RBM17: variants seen among roughly 807,000 people sequenced by gnomAD.
The protein encoded by RBM17 is RNA binding motif protein 17.
In RBM17, 7 loss-of-function variants were observed where a neutral mutation model predicts 53.2. The observed-to-expected ratio is 0.13, with a 90% CI of 0.07 to 0.25. The LOEUF (loss-of-function observed/expected upper bound fraction) is 0.25. Among genes scored for constraint, RBM17 ranks in the 10% least tolerant of loss-of-function variants. The pLI is 1.00. For synonymous variants in RBM17, 167 were observed against 178.1 expected (o/e 0.94, Z 0.50); for missense variants, 257 against 496.7 (o/e 0.52, Z 4.59).
Position 6,114,243 on chromosome 10 carries a change from A to G in RBM17, c.1029+96A>G, listed in dbSNP as rs41290343. On this transcript the variant is annotated intron_variant, in intron 10 of 11. Transcript: ENST00000379888. ...CAGGACAGGGTATGCTATAAGTAAC[A>G]TTCTTACTGCAGAAGGTGACAGGCG... 4,490 of 683,890 alleles carry G rather than the reference A, an allele frequency of 6.6e-3. 21 individuals carry two copies. The highest frequency in any genetic ancestry group is 9.3e-3 in the Non-Finnish European group (3,592 of 387,566). The allele number at this position is 683,890 out of a possible 1,614,324, so 42.4% of individuals were successfully genotyped here.
rs1221504658 is a variant in RBM17, at chr10:6,098,556, G to GTTTTTTTTTTT, written c.123+1374_123+1375insTTTTTTTTTTT. Among the ~76,000 whole-genome samples, 34 of 87,970 alleles carry GTTTTTTTTTTT rather than the reference G, an allele frequency of 3.9e-4. 7 individuals are homozygous for GTTTTTTTTTTT. Among genetic ancestry groups the GTTTTTTTTTTT allele is most frequent in the African/African-American group, 6.9e-4 (17 of 24,764 alleles). 57.7% of individuals were successfully genotyped at this position (87,970 alleles called of 152,430 possible). On this transcript the variant is annotated intron_variant, in intron 2 of 11. Transcript: ENST00000379888. ...GTTTGAAAATTTCCGTAATACACAG[G>GTTTTTTTTTTT]TTTTTTGTTTTTTTTTTTTTTTTTT...
At chr10:6,090,155 G>A (rs142967810) in intron 1 of RBM17, among the ~76,000 whole-genome samples, 44 of 152,276 alleles carry the variant, frequency 2.9e-4, no homozygotes, top group Non-Finnish European at 5.6e-4. Context: ...TTCTTGAGAA[G>A]CAGTAAAGAA....
At chr10:6,106,094 T>C (rs200631682) in intron 4 of RBM17, 47 bp from the exon 5 acceptor site, 4 of 1,374,406 alleles carry the variant, frequency 2.9e-6, no homozygotes, top group Non-Finnish European at 4.1e-6. Flanking sequence ...TTCAGGTCTC[T>C]AAATTGGTTC....
intron 1 of RBM17, among the ~76,000 whole-genome samples, chr10:6,094,618 A>G (rs1225350927): frequency 1.3e-5 from 2 of 152,240 alleles, no homozygotes; most frequent in Non-Finnish European, 2.9e-5. Flanking sequence ...TTCTGAAGAA[A>G]TGTGTTTGGG....
intron 5 of RBM17, among the ~76,000 whole-genome samples, chr10:6,108,123 T>A (rs1840782428): frequency 6.6e-6 from 1 of 152,180 alleles, no homozygotes; most frequent in African/African-American, 2.4e-5. Context: ...GGACCCACGC[T>A]TTCAAATATG....
chr10:6,108,498 A>G (rs1840788740), intron 5 of RBM17, 188 bp from the exon 6 acceptor site: 5 of 491,278 alleles, frequency 1.0e-5, no homozygotes, highest in Middle Eastern at 5.3e-4. Flanking sequence ...GAGTGTTGCC[A>G]CTTTTCTACA....
chr10:6,101,179 G>GT, intron 2 of RBM17, 92 bp from the exon 3 acceptor site: 1 of 660,734 alleles, frequency 1.5e-6, no homozygotes, highest in Non-Finnish European at 2.5e-6. Flanking sequence ...TCAAAGGTTT[G>GT]TTGCAGGGAC....
intron 3 of RBM17, 31 bp downstream of exon 3, chr10:6,101,418 C>T (rs377378812): frequency 6.3e-5 from 88 of 1,395,064 alleles, no homozygotes; most frequent in Admixed American, 8.9e-5. Context: ...GAGCTTGATA[C>T]GTGTCTCTGT....
rs75601252 is a variant in RBM17, at chr10:6,102,362, T to G, written c.240+975T>G. On this transcript the variant is annotated intron_variant, in intron 3 of 11. Transcript: ENST00000379888. ...TCTGGGTTGGGCTCCGTCTCCTGCC[T>G]GTCCTGCTTATGTTCTGGGCCAGTC... is the stretch of plus-strand genomic sequence containing the variant. Among the ~76,000 whole-genome samples, 70 of 152,316 alleles carry G rather than the reference T, an allele frequency of 4.6e-4. 1 individual carries two copies. The East Asian group carries it at 5.4e-3, about 12-fold the overall frequency.
At chr10:6,091,415 C>G (rs1373040304) in intron 1 of RBM17, among the ~76,000 whole-genome samples, 1 of 152,068 alleles carries the variant, frequency 6.6e-6, no homozygotes, top group Non-Finnish European at 1.5e-5. Context: ...GCATGAATAT[C>G]TGTTTAGTGA....
Position 6,115,007 on chromosome 10 carries a change from C to T in RBM17, c.1030-232C>T, listed in dbSNP as rs998270823. Reference sequence around the variant, plus strand: ...AGCTGGCACAGGGCCTTTATGAGGTCAGAGACTGCCTAGCCCTGTGTTCCT... The same window carrying T: ...AGCTGGCACAGGGCCTTTATGAGGTTAGAGACTGCCTAGCCCTGTGTTCCT... On this transcript the variant is annotated intron_variant, in intron 10 of 11. Coordinates refer to ENST00000379888, the MANE Select transcript of RBM17 (RefSeq NM_032905.5). 6 of 512,294 alleles carry T rather than the reference C, an allele frequency of 1.2e-5. No individual in the cohort carries two copies. The Admixed American group carries it at 2.2e-4, about 19-fold the overall frequency. 31.7% of individuals were successfully genotyped at this position (512,294 alleles called of 1,614,324 possible).
chr10:6,099,024 GT>G (rs1299286983), intron 2 of RBM17, among the ~76,000 whole-genome samples: 1 of 151,346 alleles, frequency 6.6e-6, no homozygotes, highest in South Asian at 2.1e-4. Context: ...AGTATTTTGT[GT>G]TTTTTTTAAA....
At chr10:6,101,549 A>G (rs1840669761) in intron 3 of RBM17, among the ~76,000 whole-genome samples, 162 bp downstream of exon 3, 1 of 152,228 alleles carries the variant, frequency 6.6e-6, no homozygotes, top group Non-Finnish European at 1.5e-5. Flanking sequence ...CAATTTTAAA[A>G]TGTATCTATT....
intron 8 of RBM17, chr10:6,113,278 C>T: frequency 2.6e-6 from 1 of 389,754 alleles, no homozygotes; most frequent in Non-Finnish European, 4.7e-6. Context: ...GGTGGAGGCT[C>T]AAAACATCCA....
chr10:6,090,855 GA>G (rs1285151067), intron 1 of RBM17, among the ~76,000 whole-genome samples: 1 of 142,466 alleles, frequency 7.0e-6, no homozygotes, highest in South Asian at 2.1e-4. Flanking sequence ...GGAGGTATGG[GA>G]AAAATTTTTT....
At chr10:6,096,969 A>G in intron 1 of RBM17, 79 bp from the exon 2 acceptor site, 2 of 1,417,318 alleles carry the variant, frequency 1.4e-6, no homozygotes, top group Non-Finnish European at 1.9e-6. Context: ...TACCTCTAAA[A>G]TTTCATGATA....
intron 2 of RBM17, among the ~76,000 whole-genome samples, chr10:6,100,305 A>G (rs1326858606): frequency 2.6e-5 from 4 of 152,232 alleles, no homozygotes; most frequent in Non-Finnish European, 2.9e-5. Flanking sequence ...CACCATACCC[A>G]TATGATCAAC....
intron 1 of RBM17, among the ~76,000 whole-genome samples, chr10:6,096,206 G>C (rs894089118): frequency 2.0e-5 from 3 of 152,124 alleles, no homozygotes; most frequent in Admixed American, 2.0e-4. Context: ...GTGGCAGTTG[G>C]GGTTCACTGG....
At position 6,115,798 on chromosome 10, in the gene RBM17, C is replaced by A. The variant is rs1164974229; in HGVS notation, c.*242C>A. 8 of 321,510 alleles carry A rather than the reference C, an allele frequency of 2.5e-5. No homozygotes were observed. Among genetic ancestry groups the A allele is most frequent in the Non-Finnish European group, 4.4e-5 (8 of 180,618 alleles). The allele number at this position is 321,510 out of a possible 1,614,324, so 19.9% of individuals were successfully genotyped here. ...GTTGTTTCTCTTTTTTATTATTACT[C>A]CTGAGTTGATGACATTTTTTGTTAG... On this transcript the variant is annotated 3_prime_UTR_variant, in exon 12 of 12. Coordinates refer to ENST00000379888, the MANE Select transcript of RBM17 (RefSeq NM_032905.5).
Sources: gnomAD v4.1 joint callset for allele counts (sites outside exome capture counted in the v4.1 genomes callset) on GRCh38, gnomAD v4.1.1 for gene constraint, MANE v1.5 for transcripts, NCBI Gene and HGNC (gene_info 2026-07-23, HGNC 2026-07-21) for gene names.